Variants in TNFRSF13B observed in about 807,000 individuals in gnomAD.
The protein encoded by TNFRSF13B is tumor necrosis factor receptor superfamily member 13B.
In TNFRSF13B, 34 loss-of-function variants were observed where a neutral mutation model predicts 24.0. The observed-to-expected ratio is 1.41, with a 90% CI of 1.08 to 1.88. The LOEUF is 1.88. TNFRSF13B is among the 40% of genes most tolerant of loss of function. The probability of loss-of-function intolerance (pLI) is 0.00; values close to 1 mark genes in which losing one functional copy is unlikely to be tolerated. For synonymous variants in TNFRSF13B, 173 were observed against 150.3 expected, an observed-to-expected ratio of 1.15 and a Z score of -1.10; for missense variants, 415 against 380.8, an observed-to-expected ratio of 1.09 and a Z score of -0.75.
At chr17:16,946,596 ATTTT>A (rs869159793) in intron 3 of TNFRSF13B, among the ~76,000 whole-genome samples, 1 of 136,216 alleles carries the variant, frequency 7.3e-6, no homozygotes, top group African/African-American at 2.8e-5. Flanking sequence ...TTATTTATTT[ATTTT>A]TTTTTGAGAC....
chr17:16,971,945 C>T, intron 1 of TNFRSF13B, 70 bp downstream of exon 1: 2 of 1,542,036 alleles, frequency 1.3e-6, no homozygotes, highest in Non-Finnish European at 1.8e-6. Flanking sequence ...CTTGCAACCC[C>T]CACGGCACTC....
intron 2 of TNFRSF13B, among the ~76,000 whole-genome samples, 158 bp from the exon 3 acceptor site, chr17:16,949,141 G>A (rs2087571120): frequency 6.6e-6 from 1 of 152,096 alleles, no homozygotes; most frequent in South Asian, 2.1e-4. Context: ...ACACATTGAA[G>A]ACTATGCATT....
intron 3 of TNFRSF13B, among the ~76,000 whole-genome samples, chr17:16,942,025 C>T (rs1386267102): frequency 6.6e-6 from 1 of 152,186 alleles, no homozygotes; most frequent in Non-Finnish European, 1.5e-5. Flanking sequence ...GTTGCTTCCA[C>T]TTTCTGGCTA....
intron 1 of TNFRSF13B, among the ~76,000 whole-genome samples, chr17:16,971,281 G>A (rs1179234143): frequency 6.6e-6 from 1 of 151,952 alleles, no homozygotes. Flanking sequence ...CCCGGGAGGC[G>A]GAGGTTGCAG....
At chr17:16,961,156 TA>T (rs1229510053) in intron 1 of TNFRSF13B, among the ~76,000 whole-genome samples, 1 of 152,218 alleles carries the variant, frequency 6.6e-6, no homozygotes, top group Admixed American at 6.5e-5. Context: ...TGGGAATGTA[TA>T]ACAGAGCAAC....
chr17:16,965,471 A>G (rs1488765788), intron 1 of TNFRSF13B, among the ~76,000 whole-genome samples: 2 of 152,234 alleles, frequency 1.3e-5, no homozygotes, highest in Admixed American at 1.3e-4. Context: ...TAGCAGGCAC[A>G]CAGCAGGTGC....
At chr17:16,940,669 T>C in intron 3 of TNFRSF13B, 158 bp from the exon 4 acceptor site, 2 of 1,485,858 alleles carry the variant, frequency 1.3e-6, no homozygotes, top group South Asian at 2.6e-5. Flanking sequence ...GGATGCTCTC[T>C]GGATCCTGGA....
intron 3 of TNFRSF13B, among the ~76,000 whole-genome samples, chr17:16,946,507 C>T (rs1327246044): frequency 1.3e-5 from 2 of 152,120 alleles, no homozygotes; most frequent in African/African-American, 4.8e-5. Flanking sequence ...TTGCCATGTC[C>T]AAAGTGGCCA....
At chr17:16,956,954 G>A (rs2087629116) in intron 1 of TNFRSF13B, among the ~76,000 whole-genome samples, 2 of 152,120 alleles carry the variant, frequency 1.3e-5, no homozygotes, top group African/African-American at 4.8e-5. Flanking sequence ...GCATACATTT[G>A]TTCAAAGCCA....
chr17:16,966,115 A>C (rs1039025375), intron 1 of TNFRSF13B, among the ~76,000 whole-genome samples: 1 of 152,120 alleles, frequency 6.6e-6, no homozygotes, highest in Admixed American at 6.5e-5. Flanking sequence ...TTAGCTGGGC[A>C]TGGTGGTGTG....
Position 16,952,584 on chromosome 17 carries a change from C to T in TNFRSF13B, c.62-1G>A, listed in dbSNP as rs759649059. Reference sequence around the variant, plus strand: ...ACCCCCGTCCACAGGCCCTGTGGAACTGAGAGACCAGGAGAGTGAGGGCAG... The same window carrying T: ...ACCCCCGTCCACAGGCCCTGTGGAATTGAGAGACCAGGAGAGTGAGGGCAG... On this transcript the variant is annotated splice_acceptor_variant, in intron 1 of 4. Transcript: ENST00000261652. LOFTEE classifies it high-confidence loss of function. 6.8e-6 allele frequency: 11 copies of T among 1,614,088 alleles called. No homozygotes were observed. Among genetic ancestry groups the T allele is most frequent in the Admixed American group, 3.3e-5 (2 of 60,004 alleles).
intron 2 of TNFRSF13B, among the ~76,000 whole-genome samples, chr17:16,950,697 G>A (rs1359185489): frequency 6.6e-6 from 1 of 152,094 alleles, no homozygotes; most frequent in Non-Finnish European, 1.5e-5. Flanking sequence ...TGCAGGTGGT[G>A]CCTGAGTGCC....
rs370250196 is a variant in TNFRSF13B at position 16,939,707 on chromosome 17, G to A, written c.722C>T (p.Thr241Met). 24 of 1,606,866 alleles carry A rather than the reference G, an allele frequency of 1.5e-5. No homozygotes were observed. The highest frequency in any genetic ancestry group is 1.7e-4 in the Middle Eastern group (1 of 6,036). Residue 241 changes from threonine (T) to methionine (M), a missense_variant, in exon 5 of 5, where the codon ACG becomes ATG. Thr to Met is a moderately conservative substitution (Grantham distance 81). Coordinates refer to ENST00000261652, the MANE Select transcript of TNFRSF13B (RefSeq NM_012452.3). ...CCCAGGCGTGACTGCGCTCTCCTGC[G>A]TGGGCGCCCTGCACTCAGGGAAGCA... is the stretch of plus-strand genomic sequence containing the variant. ...SFCFPECRAP[T>M]QESAVTPGTP...
At chr17:16,956,531 C>T (rs2087625957) in intron 1 of TNFRSF13B, among the ~76,000 whole-genome samples, 1 of 152,060 alleles carries the variant, frequency 6.6e-6, no homozygotes, top group Admixed American at 6.5e-5. Flanking sequence ...TAAAGGAAGT[C>T]AGGAAAATGT....
At chr17:16,942,076 T>C (rs1363079439) in intron 3 of TNFRSF13B, among the ~76,000 whole-genome samples, 1 of 152,214 alleles carries the variant, frequency 6.6e-6, no homozygotes, top group Non-Finnish European at 1.5e-5. Context: ...TCCACATGTT[T>C]GTGTGGATGG....
chr17:16,968,158 AAAAAAG>A (rs2087718906), intron 1 of TNFRSF13B, among the ~76,000 whole-genome samples: 1 of 14,646 alleles, frequency 6.8e-5, no homozygotes, highest in Non-Finnish European at 1.6e-4. Context: ...AAAAAAAAAG[AAAAAAG>A]AAAGGAAAAG....
chr17:16,964,211 A>G (rs1221353673), intron 1 of TNFRSF13B, among the ~76,000 whole-genome samples: 1 of 151,944 alleles, frequency 6.6e-6, no homozygotes, highest in East Asian at 1.9e-4. Flanking sequence ...TGTGAGCTGT[A>G]TATGCTTTTT....
intron 1 of TNFRSF13B, among the ~76,000 whole-genome samples, chr17:16,969,250 A>C (rs1311254758): frequency 6.6e-6 from 1 of 152,250 alleles, no homozygotes; most frequent in African/African-American, 2.4e-5. Flanking sequence ...TGAATCCAAA[A>C]GTTCATAGAA....
chr17:16,968,089 C>T (rs920974356), intron 1 of TNFRSF13B, among the ~76,000 whole-genome samples: 2 of 141,358 alleles, frequency 1.4e-5, no homozygotes, highest in Non-Finnish European at 3.0e-5. Flanking sequence ...CGCAGTGAGC[C>T]GAGATCGCAC....
Sources: allele counts gnomAD v4.1 joint callset (sites outside exome capture counted in the v4.1 genomes callset), GRCh38; gene constraint gnomAD v4.1.1; transcripts MANE v1.5; gene names NCBI Gene and HGNC (gene_info 2026-07-23, HGNC 2026-07-21).